The following SLC35F4 variants were observed in gnomAD, a reference collection of about 807,000 sequenced individuals.
SLC35F4 encodes solute carrier family 35 member F4.
Under a neutral mutation model 44.2 loss-of-function variants are expected in SLC35F4, and 24 were observed. The observed-to-expected ratio is 0.54, with a 90% confidence interval of 0.39 to 0.76. The LOEUF (loss-of-function observed/expected upper bound fraction) is 0.76, where lower values mean the gene tolerates loss of function less well. Among genes scored for constraint, SLC35F4 ranks in the 30% least tolerant of loss-of-function variants. SLC35F4 has a pLI of 0.00. For missense variants in SLC35F4, 562 were observed against 586.1 expected, an observed-to-expected ratio of 0.96 and a Z score of 0.42; for synonymous variants, 238 against 223.6, an observed-to-expected ratio of 1.06 and a Z score of -0.57.
chr14:57,756,931 G>C (rs534727977), intron 1 of SLC35F4, among the ~76,000 whole-genome samples: 3 of 152,014 alleles, frequency 2.0e-5, no homozygotes, highest in African/African-American at 7.2e-5. Context: ...CAAAGTGTTG[G>C]GATTACAGGC....
chr14:57,897,081 T>C (rs1888890187), intron 1 of SLC35F4, among the ~76,000 whole-genome samples: 1 of 152,188 alleles, frequency 6.6e-6, no homozygotes, highest in East Asian at 1.9e-4. Flanking sequence ...CATAGTCACC[T>C]ACATATTGGT....
intron 1 of SLC35F4, among the ~76,000 whole-genome samples, chr14:57,879,384 G>T (rs1427890067): frequency 6.6e-6 from 1 of 151,854 alleles, no homozygotes; most frequent in Non-Finnish European, 1.5e-5. Flanking sequence ...CCCAGGCCTG[G>T]CTCTTCCCAG....
intron 1 of SLC35F4, among the ~76,000 whole-genome samples, chr14:57,746,625 T>TA (rs34579354): frequency 2.0e-5 from 3 of 152,144 alleles, no homozygotes; most frequent in Admixed American, 2.0e-4. Flanking sequence ...ATATCTTTGT[T>TA]AAAAAAAGTT....
intron 4 of SLC35F4, among the ~76,000 whole-genome samples, chr14:57,578,323 C>CTTTTTTT (rs2068952267): frequency 1.5e-4 from 5 of 33,162 alleles, no homozygotes; most frequent in Admixed American, 4.6e-4. Context: ...ATCCCTTTAA[C>CTTTTTTT]TGTTTTTTTT....
chr14:57,936,346 C>A (rs1024592118), intron 1 of SLC35F4, among the ~76,000 whole-genome samples: 1 of 152,224 alleles, frequency 6.6e-6, no homozygotes, highest in Non-Finnish European at 1.5e-5. Context: ...TCGTGACAAC[C>A]TCCAAGTCAA....
At chr14:57,675,311 A>G (rs1194280764) in intron 1 of SLC35F4, among the ~76,000 whole-genome samples, 1 of 152,072 alleles carries the variant, frequency 6.6e-6, no homozygotes, top group Non-Finnish European at 1.5e-5. Context: ...ATGCATGCTG[A>G]GGTAGTTAGA....
At position 57,759,580 on chromosome 14, in the gene SLC35F4, A is replaced by T. The variant is rs60691131; in HGVS notation, c.103+106143T>A. On this transcript the variant is annotated intron_variant, in intron 1 of 7. Transcript: ENST00000556826. ...GGGTGACAGAGCAAAAAAAGAAAAA[A>T]AAAATTCTTTTTTAGGGAACTGTAT... 1.3e-4 allele frequency among the ~76,000 whole-genome samples: 20 copies of T among 152,310 alleles called. No individual in the cohort carries two copies. In the East Asian group the frequency reaches 3.5e-3, roughly 26 times the overall value.
chr14:57,902,457 G>C (rs1889022149), intron 1 of SLC35F4, among the ~76,000 whole-genome samples: 1 of 151,808 alleles, frequency 6.6e-6, no homozygotes, highest in African/African-American at 2.4e-5. Context: ...CAGCTACTCG[G>C]GAGGCTGAGG....
At chr14:57,701,156 A>T (rs559117731) in intron 1 of SLC35F4, among the ~76,000 whole-genome samples, 3 of 151,752 alleles carry the variant, frequency 2.0e-5, no homozygotes, top group Non-Finnish European at 2.9e-5. Context: ...TTAACTTTTT[A>T]CATTTTTGTT....
chr14:57,696,634 C>T (rs549898858), intron 1 of SLC35F4, among the ~76,000 whole-genome samples: 18 of 152,244 alleles, frequency 1.2e-4, no homozygotes, highest in East Asian at 9.6e-4. Flanking sequence ...TACTGCAGCA[C>T]GATTTACAAT....
intron 1 of SLC35F4, among the ~76,000 whole-genome samples, chr14:57,612,145 G>A (rs2071548174): frequency 6.6e-6 from 1 of 152,166 alleles, no homozygotes; most frequent in Admixed American, 6.5e-5. Flanking sequence ...CAGCAACTTT[G>A]GAGACTGAGG....
At chr14:57,834,136 C>G (rs1344226090) in intron 1 of SLC35F4, among the ~76,000 whole-genome samples, 1 of 152,112 alleles carries the variant, frequency 6.6e-6, no homozygotes, top group Non-Finnish European at 1.5e-5. Context: ...AAACACTTTC[C>G]CAGAGAACAA....
intron 1 of SLC35F4, among the ~76,000 whole-genome samples, chr14:57,977,617 C>T (rs1881257308): frequency 6.6e-6 from 1 of 152,284 alleles, no homozygotes; most frequent in African/African-American, 2.4e-5. Context: ...CAAACTCAAG[C>T]ACGTTCCAAA....
intron 1 of SLC35F4, among the ~76,000 whole-genome samples, chr14:57,612,996 C>A (rs1043080850): frequency 6.6e-6 from 1 of 152,184 alleles, no homozygotes; most frequent in South Asian, 2.1e-4. Flanking sequence ...GGGATAGAGA[C>A]GTACTGATGG....
intron 1 of SLC35F4, among the ~76,000 whole-genome samples, chr14:57,791,851 A>G (rs572198039): frequency 2.0e-5 from 3 of 152,308 alleles, no homozygotes; most frequent in African/African-American, 7.2e-5. Flanking sequence ...ATTCTCAGCA[A>G]ACTGACACAG....
intron 1 of SLC35F4, among the ~76,000 whole-genome samples, chr14:57,789,032 AG>A (rs1307593875): frequency 3.9e-5 from 6 of 152,370 alleles, no homozygotes; most frequent in African/African-American, 1.4e-4. Flanking sequence ...GGAAACTTGT[AG>A]CACTAAATGC....
At chr14:57,953,650 T>G (rs1197600858) in intron 1 of SLC35F4, among the ~76,000 whole-genome samples, 1 of 152,070 alleles carries the variant, frequency 6.6e-6, no homozygotes, top group East Asian at 1.9e-4. Flanking sequence ...AAAACAGACT[T>G]TAAACAAACA....
chr14:57,675,348 T>C (rs1425018794), intron 1 of SLC35F4, among the ~76,000 whole-genome samples: 1 of 152,050 alleles, frequency 6.6e-6, no homozygotes, highest in Non-Finnish European at 1.5e-5. Flanking sequence ...CTATCCGCAA[T>C]TTACTTTGAA....
chr14:57,852,913 GT>G (rs201020177), intron 1 of SLC35F4, among the ~76,000 whole-genome samples: 1,839 of 152,302 alleles, frequency 0.012, 17 homozygotes, highest in Middle Eastern at 0.027. Flanking sequence ...CTTATGTCTG[GT>G]TTTCAGTACC....
Sources: allele counts gnomAD v4.1 joint callset (sites outside exome capture counted in the v4.1 genomes callset), GRCh38; gene constraint gnomAD v4.1.1; transcripts MANE v1.5; gene names NCBI Gene and HGNC (gene_info 2026-07-23, HGNC 2026-07-21).